LRP1B: variants seen among roughly 807,000 people sequenced by gnomAD.
The protein encoded by LRP1B is LDL receptor related protein 1B, also known as low-density lipoprotein receptor-related protein 1B.
Under a neutral mutation model 556.6 loss-of-function variants are expected in LRP1B, and 217 were observed. That is an observed-to-expected ratio of 0.39 (90% CI 0.35 to 0.44). LRP1B has a LOEUF of 0.44. Ranked by LOEUF, LRP1B falls within the 20% of genes least tolerant of loss-of-function variation. The probability of loss-of-function intolerance (pLI) is 1.00; values close to 1 mark genes in which losing one functional copy is unlikely to be tolerated. For synonymous variants in LRP1B, 2,047 were observed against 1,865.8 expected (o/e 1.10, Z -2.50); for missense variants, 5,053 against 5,620.8 (o/e 0.90, Z 3.23).
chr2:141,222,383 A>C (rs1326372184), intron 6 of LRP1B, among the ~76,000 whole-genome samples: 8 of 152,136 alleles, frequency 5.3e-5, no homozygotes, highest in Admixed American at 5.2e-4. Flanking sequence ...CTGAGACACT[A>C]ATAAATAGCC....
intron 35 of LRP1B, among the ~76,000 whole-genome samples, chr2:140,748,398 A>G (rs1688416806): frequency 9.2e-6 from 1 of 108,472 alleles, no homozygotes; most frequent in Non-Finnish European, 1.8e-5. Context: ...TATTATATTC[A>G]TATATTATAT....
intron 31 of LRP1B, among the ~76,000 whole-genome samples, chr2:140,835,677 A>G (rs1297583873): frequency 1.3e-5 from 2 of 152,138 alleles, no homozygotes; most frequent in East Asian, 3.9e-4. Flanking sequence ...AACTGGGATT[A>G]CAGGCGCTCG....
intron 83 of LRP1B, among the ~76,000 whole-genome samples, chr2:140,306,864 T>C (rs642959): frequency 0.05 from 7,554 of 152,224 alleles, 615 homozygotes; most frequent in African/African-American, 0.17. Flanking sequence ...GTGTCTTTGT[T>C]CTCATTGGTT....
intron 3 of LRP1B, among the ~76,000 whole-genome samples, chr2:141,388,070 T>C (rs1689897995): frequency 6.6e-6 from 1 of 152,134 alleles, no homozygotes; most frequent in Non-Finnish European, 1.5e-5. Context: ...ACTAATAAAA[T>C]GAAGGGAAGA....
intron 25 of LRP1B, among the ~76,000 whole-genome samples, chr2:140,872,083 T>TA (rs1491327798): frequency 0.18 from 1,968 of 11,236 alleles, 52 homozygotes; most frequent in African/African-American, 0.26. Context: ...GGACCTTGTA[T>TA]TTTTTTTTTT....
At chr2:140,813,559 G>A in intron 32 of LRP1B, 98 bp downstream of exon 32, 2 of 995,118 alleles carry the variant, frequency 2.0e-6, no homozygotes, top group Non-Finnish European at 3.1e-6. Flanking sequence ...TAGTTCTGGT[G>A]TTAGTGGAGC....
chr2:141,672,123 C>T lies in LRP1B; in HGVS notation c.205+138156G>A, dbSNP rs114539619. On this transcript the variant is annotated intron_variant, in intron 2 of 90. Transcript: ENST00000389484. ...TAACCTCATCTGGAAGGGTAGGAGGCTTTTAGAAAATACTAATAGATTAAC... is the reference window on the plus strand; with the variant it reads ...TAACCTCATCTGGAAGGGTAGGAGGTTTTTAGAAAATACTAATAGATTAAC... 4.8e-3 allele frequency among the ~76,000 whole-genome samples: 730 copies of T among 152,182 alleles called. 8 individuals carry two copies. Among genetic ancestry groups the T allele is most frequent in the African/African-American group, 0.017 (691 of 41,526 alleles).
At chr2:140,368,573 T>C (rs1430720047) in intron 71 of LRP1B, among the ~76,000 whole-genome samples, 2 of 151,808 alleles carry the variant, frequency 1.3e-5, no homozygotes, top group African/African-American at 4.8e-5. Flanking sequence ...AAAATGCAAA[T>C]GCTGCTTTTA....
chr2:141,193,368 A>G (rs1377081866), intron 6 of LRP1B, among the ~76,000 whole-genome samples: 1 of 152,050 alleles, frequency 6.6e-6, no homozygotes, highest in East Asian at 1.9e-4. Flanking sequence ...TGATTGGATA[A>G]AGAAAACATG....
chr2:141,146,726 A>T (rs562366192), intron 7 of LRP1B, among the ~76,000 whole-genome samples: 3 of 152,284 alleles, frequency 2.0e-5, no homozygotes, highest in Admixed American at 2.0e-4. Context: ...CAGCAATATG[A>T]TATTAACGCA....
At chr2:141,276,198 C>G (rs1180441772) in intron 3 of LRP1B, among the ~76,000 whole-genome samples, 1 of 152,156 alleles carries the variant, frequency 6.6e-6, no homozygotes. Context: ...ATTCTCTCAA[C>G]CTGTTTGTGG....
chr2:140,962,328 T>C (rs1029241272), intron 18 of LRP1B, among the ~76,000 whole-genome samples: 5 of 152,170 alleles, frequency 3.3e-5, no homozygotes, highest in African/African-American at 1.2e-4. Context: ...GCAGAAACTT[T>C]GCCTTTTTCC....
At chr2:141,703,003 T>C (rs1484432436) in intron 2 of LRP1B, among the ~76,000 whole-genome samples, 1 of 151,926 alleles carries the variant, frequency 6.6e-6, no homozygotes, top group African/African-American at 2.4e-5. Context: ...TTCTGTGTAA[T>C]AATTATAGCA....
chr2:141,708,053 A>G (rs574504724), intron 2 of LRP1B, among the ~76,000 whole-genome samples: 1 of 152,098 alleles, frequency 6.6e-6, no homozygotes, highest in Non-Finnish European at 1.5e-5. Context: ...AACTTTCAAA[A>G]CTCTGATGTT....
rs193231685 is a variant in LRP1B, at chr2:141,693,539, T to C, written c.205+116740A>G. Among the ~76,000 whole-genome samples, 26 of 152,154 alleles carry C rather than the reference T, an allele frequency of 1.7e-4. No individual in the cohort carries two copies. The East Asian group carries it at 3.1e-3, about 18-fold the overall frequency. On this transcript the variant is annotated intron_variant, in intron 2 of 90. Transcript: ENST00000389484. The stretch of plus-strand genomic sequence containing the variant: ...ACATGAATTTGAATAATAATAGTAA[T>C]TCAAATTCTTCCCAGTATTTCAGTG...
chr2:140,947,477 G>A (rs771432570), intron 20 of LRP1B, among the ~76,000 whole-genome samples: 1 of 152,158 alleles, frequency 6.6e-6, no homozygotes. Flanking sequence ...AGAATCCCCT[G>A]CTCTTTCTTC....
At position 140,343,939 on chromosome 2, in the gene LRP1B, G is replaced by A. The variant is rs549164555; in HGVS notation, c.11892+6858C>T. On this transcript the variant is annotated intron_variant, in intron 77 of 90. Transcript: ENST00000389484. ...TGGGAGAGAAGTGGGCAGGGTCTGG[G>A]GGAATAGATTACTGAGGGAATTAGA... is the stretch of plus-strand genomic sequence containing the variant. Among the ~76,000 whole-genome samples the A allele has an allele frequency of 2.0e-5, 3 of 151,732 alleles. No individual in the cohort carries two copies. The South Asian group carries it at 6.2e-4, about 31-fold the overall frequency.
At position 141,562,128 on chromosome 2, in the gene LRP1B, A is replaced by G. The variant is rs937922487; in HGVS notation, c.206-81595T>C. ...CACTTTTAACATTGGGTCAAAAATAATAGGTAAGTTATATAAAAGAGGAAA... is the reference window on the plus strand; with the variant it reads ...CACTTTTAACATTGGGTCAAAAATAGTAGGTAAGTTATATAAAAGAGGAAA... On this transcript the variant is annotated intron_variant, in intron 2 of 90. Coordinates refer to ENST00000389484, the MANE Select transcript of LRP1B (RefSeq NM_018557.3). Among the ~76,000 whole-genome samples, 4 of 151,936 alleles carry G rather than the reference A, an allele frequency of 2.6e-5. No homozygotes were observed. The East Asian group carries it at 7.7e-4, about 29-fold the overall frequency.
At chr2:142,013,736 T>C (rs1703029949) in intron 1 of LRP1B, among the ~76,000 whole-genome samples, 1 of 152,090 alleles carries the variant, frequency 6.6e-6, no homozygotes, top group Admixed American at 6.5e-5. Context: ...TTAATTATAA[T>C]TTTAAAAAAG....
Sources: gnomAD v4.1 joint callset for allele counts (sites outside exome capture counted in the v4.1 genomes callset) on GRCh38, gnomAD v4.1.1 for gene constraint, MANE v1.5 for transcripts, NCBI Gene and HGNC (gene_info 2026-07-23, HGNC 2026-07-21) for gene names.